NARF: variants seen among roughly 807,000 people sequenced by gnomAD.
NARF encodes the protein nuclear prelamin A recognition factor.
A neutral mutation model predicts 48.0 loss-of-function variants in NARF; 41 were observed. The ratio of observed to expected loss-of-function variants is 0.85; its 90% CI spans 0.66 to 1.11. The LOEUF (loss-of-function observed/expected upper bound fraction) is 1.11, where lower values mean the gene tolerates loss of function less well. Ranked by LOEUF, NARF falls within the 50% of genes least tolerant of loss-of-function variation. The pLI is 0.00. For missense variants in NARF, 613 were observed against 590.2 expected (o/e 1.04, Z -0.40); for synonymous variants, 215 against 225.5 (o/e 0.95, Z 0.42).
chr17:82,478,866 C>A lies in NARF; in HGVS notation c.587C>A (p.Ser196Tyr), dbSNP rs770103245. Residue 196 changes from serine (S) to tyrosine (Y), a missense_variant, in exon 6 of 11, where the codon TCC becomes TAC. Coordinates refer to ENST00000309794, the MANE Select transcript of NARF (RefSeq NM_012336.4). ...PITAHLCTAK[S>Y]PQQVMGSLVK... ...ACTGCCCACCTCTGCACCGCCAAGT[C>A]CCCCCAGCAGGTCATGGGCTCTTTG... 2 of 1,613,902 alleles carry A rather than the reference C, an allele frequency of 1.2e-6. No individual in the cohort carries two copies. The highest frequency in any genetic ancestry group is 2.2e-5 in the East Asian group (1 of 44,882).
At chr17:82,468,293 A>C (rs2043617484) in intron 3 of NARF, among the ~76,000 whole-genome samples, 1 of 150,956 alleles carries the variant, frequency 6.6e-6, no homozygotes. Context: ...CCTGGGCAAC[A>C]AGGGTGAAAC....
At chr17:82,466,028 C>T (rs751265232) in intron 3 of NARF, among the ~76,000 whole-genome samples, 5 of 152,208 alleles carry the variant, frequency 3.3e-5, no homozygotes, top group Non-Finnish European at 7.3e-5. Flanking sequence ...CACCCATCAG[C>T]CAGGTTCGCC....
chr17:82,479,137 C>G, intron 6 of NARF: 1 of 427,738 alleles, frequency 2.3e-6, no homozygotes, highest in Non-Finnish European at 4.2e-6. Context: ...TCTTCTTAAC[C>G]TTTTCTGTGG....
rs1160894200 is a variant in NARF at position 82,460,060 on chromosome 17, G to C, written c.96G>C (p.Gln32His). 1 of 1,613,784 alleles carries C rather than the reference G, an allele frequency of 6.2e-7. No individual in the cohort carries two copies. The highest frequency in any genetic ancestry group is 8.5e-7 in the Non-Finnish European group (1 of 1,179,790). Residue 32 changes from glutamine (Q) to histidine (H), a missense_variant, in exon 2 of 11, where the codon CAG (glutamine) becomes CAC (histidine). Gln to His is a conservative substitution (Grantham distance 24). Coordinates refer to ENST00000309794, the MANE Select transcript of NARF (RefSeq NM_012336.4). ...NVSADAPSPA[Q>H]ENGEKGEFHK... ...CAGCCGATGCACCGAGTCCAGCCCA[G>C]GAAAATGGAGAGGCAAGTAGATTTT...
At chr17:82,461,702 T>G (rs913092213) in intron 2 of NARF, among the ~76,000 whole-genome samples, 2 of 152,114 alleles carry the variant, frequency 1.3e-5, no homozygotes, top group Non-Finnish European at 2.9e-5. Flanking sequence ...TTTTACTGAG[T>G]GAAGGGTGTT....
At chr17:82,459,213 G>A in intron 1 of NARF, 4 of 1,027,334 alleles carry the variant, frequency 3.9e-6, no homozygotes, top group Non-Finnish European at 4.7e-6. Flanking sequence ...TCACCGAGCA[G>A]CCGGTGCAGG....
At chr17:82,466,732 C>T (rs1165990464) in intron 3 of NARF, among the ~76,000 whole-genome samples, 2 of 152,206 alleles carry the variant, frequency 1.3e-5, no homozygotes, top group Middle Eastern at 6.8e-3. Flanking sequence ...GGATTACAGA[C>T]GTGAGCCACC....
At chr17:82,481,904 GT>G (rs1202302793) in intron 7 of NARF, 11 of 324,056 alleles carry the variant, frequency 3.4e-5, no homozygotes, top group Non-Finnish European at 5.4e-5. Flanking sequence ...CACAAGTGAA[GT>G]TTTTTTCATT....
In NARF at chr17:82,487,818, G is replaced by A. The variant is rs56285646; in HGVS notation, c.1130-98G>A. On this transcript the variant is annotated intron_variant, in intron 10 of 10. Transcript: ENST00000309794. ...TCTACAAAAAATTTAAAAATCAGCC[G>A]GGCAAGGTGGTGTGTGTCTGTAGTT... is the stretch of plus-strand genomic sequence containing the variant. 8,123 of 864,974 alleles carry A rather than the reference G, an allele frequency of 9.4e-3. 43 individuals are homozygous for A. The highest frequency in any genetic ancestry group is 0.012 in the Non-Finnish European group (7,390 of 609,592). The allele number at this position is 864,974 out of a possible 1,614,324, so 53.6% of individuals were successfully genotyped here. A position where few individuals can be genotyped will look rare whatever the true frequency, so the allele number is the denominator to read the frequency against.
intron 3 of NARF, 117 bp from the exon 4 acceptor site, chr17:82,468,642 CTATTT>C (rs2043626329): frequency 2.2e-6 from 2 of 906,124 alleles, no homozygotes; most frequent in Non-Finnish European, 3.2e-6. Flanking sequence ...CAGTGTTTGT[CTATTT>C]TATTAGTCTT....
intron 3 of NARF, among the ~76,000 whole-genome samples, chr17:82,467,735 C>T (rs2043603832): frequency 6.6e-6 from 1 of 151,974 alleles, no homozygotes; most frequent in African/African-American, 2.4e-5. Flanking sequence ...AACTCCTGAC[C>T]TCAAATGATC....
chr17:82,480,781 A>G, intron 6 of NARF: 1 of 503,434 alleles, frequency 2.0e-6, no homozygotes, highest in Non-Finnish European at 3.5e-6. Flanking sequence ...AAGTACAAAA[A>G]ATTAGCCAGG....
At chr17:82,458,698 G>A, upstream of NARF, 1 of 1,378,442 alleles carries the variant, frequency 7.3e-7, no homozygotes, top group African/African-American at 1.5e-5. Context: ...GTGAGGCCGC[G>A]TCGGGGGAGG....
intron 6 of NARF, chr17:82,480,486 G>C (rs760298394): frequency 1.1e-4 from 45 of 402,198 alleles, no homozygotes; most frequent in Non-Finnish European, 1.8e-4. Flanking sequence ...ATGTTTGGGA[G>C]GACCACACCC....
At chr17:82,483,820 C>T in intron 8 of NARF, 41 bp downstream of exon 8, 1 of 1,593,656 alleles carries the variant, frequency 6.3e-7, no homozygotes, top group South Asian at 1.1e-5. Flanking sequence ...GGGGGCAGGA[C>T]CTCTCGTCAG....
At chr17:82,484,337 C>T (rs906103942) in intron 8 of NARF, 1 of 157,960 alleles carries the variant, frequency 6.3e-6, no homozygotes, top group African/African-American at 2.4e-5. Flanking sequence ...CATTCGTGCC[C>T]TTTTGGGGGA....
At position 82,468,711 on chromosome 17, in the gene NARF, T is replaced by C. The variant is rs1424428489; in HGVS notation, c.253-53T>C. 19 of 1,588,544 alleles carry C rather than the reference T, an allele frequency of 1.2e-5. No homozygotes were observed. In the East Asian group the frequency reaches 4.3e-4, roughly 36 times the overall value. Reference sequence around the variant, plus strand: ...GAATTTCTCATTAAGGTGTGTAACTTTTACTCCTTGTGTAATCAGCAGATA... The same window carrying C: ...GAATTTCTCATTAAGGTGTGTAACTCTTACTCCTTGTGTAATCAGCAGATA... On this transcript the variant is annotated intron_variant, in intron 3 of 10. Transcript: ENST00000309794.
At chr17:82,458,942 G>T in intron 1 of NARF, 112 bp downstream of exon 1, 1 of 1,230,270 alleles carries the variant, frequency 8.1e-7, no homozygotes, top group African/African-American at 1.6e-5. Context: ...GCTCTTCAAG[G>T]CGCCCCCGGC....
At chr17:82,466,502 G>T (rs1347465496) in intron 3 of NARF, among the ~76,000 whole-genome samples, 1 of 152,014 alleles carries the variant, frequency 6.6e-6, no homozygotes, top group East Asian at 1.9e-4. Flanking sequence ...TCTCAGGCTG[G>T]GGTGCAGTGT....
Sources: gnomAD v4.1 joint callset for allele counts (sites outside exome capture counted in the v4.1 genomes callset) on GRCh38, gnomAD v4.1.1 for gene constraint, MANE v1.5 for transcripts, NCBI Gene and HGNC (gene_info 2026-07-23, HGNC 2026-07-21) for gene names.